GATAD1: variants seen among roughly 807,000 people sequenced by gnomAD.
The protein encoded by GATAD1 is GATA zinc finger domain-containing protein 1.
In GATAD1, 12 loss-of-function variants were observed where a neutral mutation model predicts 26.5. The ratio of observed to expected loss-of-function variants is 0.45; its 90% confidence interval spans 0.29 to 0.73. GATAD1 has a LOEUF of 0.73. Among genes scored for constraint, GATAD1 ranks in the 30% least tolerant of loss-of-function variants. GATAD1 has a pLI of 0.10. For synonymous variants in GATAD1, 129 were observed against 133.1 expected (o/e 0.97, Z 0.21); for missense variants, 266 against 342.1 (o/e 0.78, Z 1.75).
At chr7:92,490,890 CTT>C in the GATAD1 span, among the ~76,000 whole-genome samples, 1 of 152,178 alleles carries the variant, frequency 6.6e-6, no homozygotes, top group Non-Finnish European at 1.5e-5. Flanking sequence ...ACAGATAACA[CTT>C]TGTTTTCAGG....
the GATAD1 span, among the ~76,000 whole-genome samples, chr7:92,466,607 G>A: frequency 6.6e-6 from 1 of 152,194 alleles, no homozygotes; most frequent in Non-Finnish European, 1.5e-5. Context: ...AGAATGTGAT[G>A]CACATCACAG....
At chr7:92,480,779 A>G in the GATAD1 span, among the ~76,000 whole-genome samples, 1 of 152,122 alleles carries the variant, frequency 6.6e-6, no homozygotes, top group Non-Finnish European at 1.5e-5. Flanking sequence ...AGCATTTCCT[A>G]GAGTAATGGG....
At chr7:92,489,344 C>T in the GATAD1 span, 1 of 1,613,246 alleles carries the variant, frequency 6.2e-7, no homozygotes, top group Non-Finnish European at 8.5e-7. Flanking sequence ...TCTTGTGTGA[C>T]CAAGTGCAGT....
chr7:92,448,672 C>T, intron 1 of GATAD1, 80 bp from the exon 2 acceptor site: 2 of 1,101,328 alleles, frequency 1.8e-6, no homozygotes, highest in East Asian at 4.7e-5. Flanking sequence ...CTCTGGGATC[C>T]TTGTAAGATG....
chr7:92,484,590 A>G, the GATAD1 span, among the ~76,000 whole-genome samples: 1 of 152,184 alleles, frequency 6.6e-6, no homozygotes. Flanking sequence ...TCTCTACTAG[A>G]GATGAAAAAG....
At chr7:92,460,413 A>T (rs1364083037), downstream of GATAD1, among the ~76,000 whole-genome samples, 2 of 152,186 alleles carry the variant, frequency 1.3e-5, no homozygotes, top group Non-Finnish European at 2.9e-5. Context: ...AGCCAGGAGA[A>T]GGTCTGTGCC....
chr7:92,489,358 T>G, the GATAD1 span: 1 of 1,611,464 alleles, frequency 6.2e-7, no homozygotes. Context: ...GTGCAGTCAT[T>G]AAATGTGACT....
the GATAD1 span, among the ~76,000 whole-genome samples, chr7:92,474,139 C>T: frequency 3.9e-5 from 6 of 152,174 alleles, no homozygotes; most frequent in South Asian, 4.2e-4. Flanking sequence ...ATGACTAAAG[C>T]GGTGGCCTTT....
At chr7:92,474,168 C>T in the GATAD1 span, among the ~76,000 whole-genome samples, 2 of 152,068 alleles carry the variant, frequency 1.3e-5, no homozygotes, top group African/African-American at 4.8e-5. Context: ...CCCGTTTGTC[C>T]TGTTCCGCCT....
chr7:92,484,679 A>G, the GATAD1 span, among the ~76,000 whole-genome samples: 1 of 152,148 alleles, frequency 6.6e-6, no homozygotes, highest in East Asian at 1.9e-4. Context: ...GCTGGAGAAG[A>G]GAGTGAAAAG....
chr7:92,454,779 C>G (rs1484715987), intron 4 of GATAD1, 94 bp downstream of exon 4: 3 of 804,108 alleles, frequency 3.7e-6, no homozygotes, highest in Non-Finnish European at 5.8e-6. Context: ...GCTGTCAGGA[C>G]AAAATATCAC....
At chr7:92,450,659 A>T in intron 2 of GATAD1, 42 bp from the exon 3 acceptor site, 1 of 1,383,584 alleles carries the variant, frequency 7.2e-7, no homozygotes, top group Non-Finnish European at 1.0e-6. Flanking sequence ...CTGTAGACAC[A>T]TACATACTAT....
rs779817755 is a variant in GATAD1 at position 92,450,749 on chromosome 7, A to G, written c.424A>G (p.Ile142Val). The G allele has an allele frequency of 1.9e-5, 31 of 1,603,874 alleles. No individual in the cohort carries two copies. Among genetic ancestry groups the G allele is most frequent in the Admixed American group, 6.7e-5 (4 of 59,982 alleles). ...SVSTIITAESIFYKGVYYQIG... is the reference protein window; with the variant it reads ...SVSTIITAESVFYKGVYYQIG... Reference sequence around the variant, plus strand: ...TTCCACTATAATCACTGCAGAATCAATCTTCTACAAGGTAAGCTTTTGTAG... The same window carrying G: ...TTCCACTATAATCACTGCAGAATCAGTCTTCTACAAGGTAAGCTTTTGTAG... The change falls in exon 3 of 5, where the codon ATC (isoleucine) becomes GTC (valine). Residue 142 changes from isoleucine (I) to valine (V), a missense_variant. Transcript: ENST00000287957.
At chr7:92,487,436 CA>C in the GATAD1 span, 1 of 1,361,194 alleles carries the variant, frequency 7.3e-7, no homozygotes, top group Non-Finnish European at 1.0e-6. Flanking sequence ...TTAACAGAAC[CA>C]AATCAAAAAG....
chr7:92,485,674 G>A, the GATAD1 span, among the ~76,000 whole-genome samples: 1 of 152,236 alleles, frequency 6.6e-6, no homozygotes, highest in African/African-American at 2.4e-5. Flanking sequence ...TCCCATCAGA[G>A]TGAAAGCATT....
At chr7:92,484,042 T>C in the GATAD1 span, among the ~76,000 whole-genome samples, 2 of 152,146 alleles carry the variant, frequency 1.3e-5, no homozygotes, top group Non-Finnish European at 2.9e-5. Flanking sequence ...TGTAAAAGAA[T>C]GCCTGGACGT....
chr7:92,473,260 G>T, the GATAD1 span: 1 of 152,144 alleles, frequency 6.6e-6, no homozygotes, highest in Non-Finnish European at 1.5e-5. Flanking sequence ...CTGAGATCTT[G>T]CACTAACCTC....
At chr7:92,490,877 A>G in the GATAD1 span, among the ~76,000 whole-genome samples, 1 of 152,238 alleles carries the variant, frequency 6.6e-6, no homozygotes, top group African/African-American at 2.4e-5. Context: ...CAGCAAAAGT[A>G]TCACAGATAA....
At chr7:92,492,538 G>C in the GATAD1 span, among the ~76,000 whole-genome samples, 7 of 152,162 alleles carry the variant, frequency 4.6e-5, no homozygotes, top group African/African-American at 1.7e-4. Context: ...AAAGATACAG[G>C]AGCCATACAA....
Sources: gnomAD v4.1 joint callset for allele counts (sites outside exome capture counted in the v4.1 genomes callset) on GRCh38, gnomAD v4.1.1 for gene constraint, MANE v1.5 for transcripts, NCBI Gene and HGNC (gene_info 2026-07-23, HGNC 2026-07-21) for gene names.